KNL1: variants seen among roughly 807,000 people sequenced by gnomAD.
The protein encoded by KNL1 is kinetochore scaffold 1.
KNL1 carries 66 observed loss-of-function variants against 201.3 expected under a neutral mutation model. The ratio of observed to expected loss-of-function variants is 0.33; its 90% CI spans 0.27 to 0.40. KNL1 has a LOEUF of 0.40. Among genes scored for constraint, KNL1 ranks in the 10% least tolerant of loss-of-function variants. The pLI is 1.00. For synonymous variants in KNL1, 895 were observed against 899.2 expected, an observed-to-expected ratio of 1.00 and a Z score of 0.08; for missense variants, 2,815 against 2,690.5, an observed-to-expected ratio of 1.05 and a Z score of -1.02.
At chr15:40,631,261 G>A (rs886860326) in intron 13 of KNL1, among the ~76,000 whole-genome samples, 11 of 152,026 alleles carry the variant, frequency 7.2e-5, no homozygotes, top group Admixed American at 5.2e-4. Flanking sequence ...GTGCCAAAAA[G>A]GTTGGGGACT....
rs1237642242 is a variant in KNL1 at position 40,603,093 on chromosome 15, T to G, written c.35+127T>G. On this transcript the variant is annotated intron_variant, in intron 2 of 25. Coordinates refer to ENST00000399668, the MANE Select transcript of KNL1 (RefSeq NM_144508.5). ...GTGTTCCAAGAAAAAGTAGTAGTTT[T>G]TTTTTTTAAATTATACTTTAAGTTC... 6.6e-6 allele frequency: 4 copies of G among 610,246 alleles called. No homozygotes were observed. In the East Asian group the frequency reaches 1.2e-4, roughly 19 times the overall value. The allele number at this position is 610,246 out of a possible 1,614,324, so 37.8% of individuals were successfully genotyped here.
rs774901560 is a variant in KNL1 at position 40,623,738 on chromosome 15, A to G, written c.3474A>G (p.Thr1158=). ...IRPMDKTVLF[T]DNYSDLEVTD... is the part of the protein sequence containing the mutation. The stretch of plus-strand genomic sequence containing the variant: ...CCATGGACAAAACCGTATTGTTCAC[A>G]GATAATTACAGTGATCTGGAAGTCA... The change falls in exon 10 of 26, where the codon ACA becomes ACG. Residue 1158 remains threonine, a synonymous_variant. Transcript: ENST00000399668. 1.5e-5 allele frequency: 25 copies of G among 1,613,920 alleles called. No individual in the cohort carries two copies. In the African/African-American group the frequency reaches 2.7e-4, roughly 17 times the overall value.
rs543357229 is a variant in KNL1, at chr15:40,633,843, C to T, written c.5682+4472C>T. 5.9e-5 allele frequency among the ~76,000 whole-genome samples: 9 copies of T among 152,052 alleles called. No individual in the cohort carries two copies. In the East Asian group the frequency reaches 1.7e-3, roughly 29 times the overall value. On this transcript the variant is annotated intron_variant, in intron 13 of 25. Transcript: ENST00000399668. ...GCAAGCCACCATGCCCAGCCCTTAT[C>T]GTTATTTTAGAGTATATTCCAACTT...
intron 10 of KNL1, 30 bp downstream of exon 10, chr15:40,625,670 C>G (rs756067329): frequency 6.4e-7 from 1 of 1,564,582 alleles, no homozygotes; most frequent in South Asian, 1.2e-5. Context: ...AAAGAATGTT[C>G]TTGAATTTTG....
At chr15:40,657,565 G>T (rs964885057) in intron 24 of KNL1, 92 bp downstream of exon 24, 3 of 677,798 alleles carry the variant, frequency 4.4e-6, no homozygotes, top group Middle Eastern at 4.1e-4. Context: ...TGAGATTAAG[G>T]TGTAAGCGGG....
intron 21 of KNL1, among the ~76,000 whole-genome samples, chr15:40,653,913 A>G (rs138387903): frequency 9.7e-4 from 147 of 152,306 alleles, no homozygotes; most frequent in Middle Eastern, 3.4e-3. Context: ...TAATAATTGT[A>G]AGAGCTCAGC....
Position 40,662,610 on chromosome 15 carries a change from A to G in KNL1, c.*422A>G, listed in dbSNP as rs946927226. 2 of 206,418 alleles carry G rather than the reference A, an allele frequency of 9.7e-6. No homozygotes were observed. Among genetic ancestry groups the G allele is most frequent in the Non-Finnish European group, 2.0e-5 (2 of 101,310 alleles). 12.8% of individuals were successfully genotyped at this position (206,418 alleles called of 1,614,324 possible). A position where few individuals can be genotyped will look rare whatever the true frequency, so the allele number is the denominator to read the frequency against. ...TCTGCCTAGCAGATATTTCTGGAGT[A>G]GAAATGTATCTGTCTACAAACTATT... On this transcript the variant is annotated 3_prime_UTR_variant, in exon 26 of 26. Coordinates refer to ENST00000399668, the MANE Select transcript of KNL1 (RefSeq NM_144508.5).
intron 13 of KNL1, among the ~76,000 whole-genome samples, chr15:40,631,976 TCCAG>T (rs1312264993): frequency 7.0e-6 from 1 of 143,800 alleles, no homozygotes; most frequent in Admixed American, 7.2e-5. Context: ...ACCACTGCCC[TCCAG>T]CCTGGTCAAC....
chr15:40,611,093 T>A (rs1427135175), intron 6 of KNL1, among the ~76,000 whole-genome samples: 7 of 131,104 alleles, frequency 5.3e-5, no homozygotes, highest in African/African-American at 1.2e-4. Context: ...AGTAATTTTT[T>A]AAAAATTTTA....
chr15:40,647,727 A>G (rs920268158), intron 17 of KNL1, among the ~76,000 whole-genome samples: 1 of 152,112 alleles, frequency 6.6e-6, no homozygotes, highest in South Asian at 2.1e-4. Flanking sequence ...ATAGTCATCA[A>G]ATTTTGTTCT....
rs1335306238 is a variant in KNL1 at position 40,663,724 on chromosome 15, A to T, written c.*1536A>T. The T allele has an allele frequency of 2.1e-5, 4 of 193,064 alleles. No homozygotes were observed. The highest frequency in any genetic ancestry group is 4.3e-5 in the Non-Finnish European group (4 of 92,500). 12.0% of individuals were successfully genotyped at this position (193,064 alleles called of 1,614,324 possible). On this transcript the variant is annotated 3_prime_UTR_variant, in exon 26 of 26. Transcript: ENST00000399668. Reference sequence around the variant, plus strand: ...ATATTATGTATGAAGTAGACAAAAAAATTTACTCAAACTTCATTCAAATCC... The same window carrying T: ...ATATTATGTATGAAGTAGACAAAAATATTTACTCAAACTTCATTCAAATCC...
At position 40,620,887 on chromosome 15, in the gene KNL1, C is replaced by T; in HGVS notation, c.623C>T (p.Ser208Phe). The part of the protein sequence containing the change: ...EVNFSVDQNT[S>F]SENKIDFNDF... ...AATTTTTCCGTGGATCAAAACACTT[C>T]TTCAGAAAATAAAATAGATTTCAAT... The change falls in exon 10 of 26, where the codon TCT (serine) becomes TTT (phenylalanine). Residue 208 changes from serine (S) to phenylalanine (F), a missense_variant. This residue lies in a region of KNL1 where 2,464 missense variants were observed against 2,291.7 expected (regional missense o/e 1.08). Coordinates refer to ENST00000399668, the MANE Select transcript of KNL1 (RefSeq NM_144508.5). The T allele has an allele frequency of 2.5e-6, 4 of 1,597,866 alleles. No homozygotes were observed. The highest frequency in any genetic ancestry group is 1.7e-4 in the Middle Eastern group (1 of 5,964).
In KNL1 at chr15:40,623,080, T is replaced by G. The variant is rs1438445233; in HGVS notation, c.2816T>G (p.Met939Arg). Residue 939 changes from methionine (M) to arginine (R), a missense_variant, in exon 10 of 26, where the codon ATG becomes AGG. This residue lies in a region of KNL1 where 2,464 missense variants were observed against 2,291.7 expected (regional missense o/e 1.08). Transcript: ENST00000399668. ...VSPDEITTRP[M>R]DKTVVFVDNH... ...CCAGATGAAATAACTACTAGGCCTA[T>G]GGACAAAACTGTAGTGTTTGTAGAT... The G allele has an allele frequency of 2.5e-6, 4 of 1,613,900 alleles. No individual in the cohort carries two copies. In the African/African-American group the frequency reaches 5.3e-5, roughly 22 times the overall value.
chr15:40,652,383 T>C (rs1893591589), intron 21 of KNL1, among the ~76,000 whole-genome samples: 1 of 152,136 alleles, frequency 6.6e-6, no homozygotes, highest in South Asian at 2.1e-4. Context: ...GTCTATTTAC[T>C]ATGAGTTTCT....
intron 5 of KNL1, 83 bp downstream of exon 5, chr15:40,608,991 A>G: frequency 1.1e-6 from 1 of 870,562 alleles, no homozygotes; most frequent in Non-Finnish European, 1.9e-6. Context: ...ACTGACTTGA[A>G]TAATCTGTTT....
Position 40,662,810 on chromosome 15 carries a change from G to A in KNL1, c.*622G>A. 5.7e-6 allele frequency: 1 copy of A among 175,424 alleles called. No homozygotes were observed. The highest frequency in any genetic ancestry group is 9.9e-5 in the East Asian group (1 of 10,146). 10.9% of individuals were successfully genotyped at this position (175,424 alleles called of 1,614,324 possible). ...CCCCACCTCTACAAAAAATACGAAA[G>A]TTAGCCAGTCATGGTGGCTTGCGCC... is the stretch of plus-strand genomic sequence containing the variant. On this transcript the variant is annotated 3_prime_UTR_variant, in exon 26 of 26. Transcript: ENST00000399668.
chr15:40,615,047 GC>G lies in KNL1; in HGVS notation c.285-292del, dbSNP rs778832202. Among the ~76,000 whole-genome samples, 175 of 152,298 alleles carry G rather than the reference GC, an allele frequency of 1.1e-3. 2 individuals carry two copies. The highest frequency in any genetic ancestry group is 9.0e-4 in the Non-Finnish European group (61 of 68,032). On this transcript the variant is annotated intron_variant, in intron 7 of 25. Transcript: ENST00000399668. Reference sequence around the variant, plus strand: ...CAAAGTGTTGGGATTACAGATGTGAGCCACCACGGCTGGCTGATAATATTCT... The same window carrying G: ...CAAAGTGTTGGGATTACAGATGTGAGCACCACGGCTGGCTGATAATATTCT...
chr15:40,594,466 G>C (rs1386972308), intron 1 of KNL1, 74 bp downstream of exon 1: 1 of 152,290 alleles, frequency 6.6e-6, no homozygotes, highest in East Asian at 1.9e-4. Context: ...TGAAGTTCCT[G>C]CGGTGGGAGG....
At chr15:40,639,885 G>C (rs1893171930) in intron 13 of KNL1, among the ~76,000 whole-genome samples, 1 of 151,750 alleles carries the variant, frequency 6.6e-6, no homozygotes, top group Non-Finnish European at 1.5e-5. Flanking sequence ...AACTATCCGG[G>C]GCAACATAGC....
Sources: gnomAD v4.1 joint callset for allele counts (sites outside exome capture counted in the v4.1 genomes callset) on GRCh38, gnomAD v4.1.1 for gene constraint, gnomAD v4.1.1 regional missense constraint, MANE v1.5 for transcripts, NCBI Gene and HGNC (gene_info 2026-07-23, HGNC 2026-07-21) for gene names.